Variants in CLDN14 observed in about 807,000 individuals in gnomAD.
CLDN14 encodes claudin 14.
A neutral mutation model predicts 2.1 loss-of-function variants in CLDN14; 2 were observed. That is an observed-to-expected ratio of 0.96 (90% CI 0.39 to 3.01). The LOEUF (loss-of-function observed/expected upper bound fraction) is 3.01, where lower values mean the gene tolerates loss of function less well. CLDN14 is among the 30% of genes most tolerant of loss of function. The probability of loss-of-function intolerance (pLI) is 0.09; values close to 1 mark genes in which losing one functional copy is unlikely to be tolerated. For synonymous variants in CLDN14, 136 were observed against 154.4 expected, an observed-to-expected ratio of 0.88 and a Z score of 0.88; for missense variants, 298 against 328.0, an observed-to-expected ratio of 0.91 and a Z score of 0.71.
intron 1 of CLDN14, among the ~76,000 whole-genome samples, chr21:36,539,539 AGT>A (rs1568874719): frequency 2.6e-5 from 3 of 113,278 alleles, no homozygotes; most frequent in African/African-American, 1.0e-4. Flanking sequence ...GTGTATGTGG[AGT>A]GTGTGTGGAG....
chr21:36,574,599 C>A (rs2087729068), intron 1 of CLDN14, among the ~76,000 whole-genome samples: 2 of 152,076 alleles, frequency 1.3e-5, no homozygotes, highest in African/African-American at 4.8e-5. Context: ...CTGGTGTGTT[C>A]AAAAATGTTT....
intron 1 of CLDN14, among the ~76,000 whole-genome samples, chr21:36,513,871 G>A (rs57468042): frequency 0.09 from 13,705 of 151,870 alleles, 1,514 homozygotes; most frequent in African/African-American, 0.27. Context: ...TAACTTTTTC[G>A]CTCAGGCTGG....
chr21:36,506,529 G>A (rs559796444), intron 2 of CLDN14, among the ~76,000 whole-genome samples: 193 of 151,904 alleles, frequency 1.3e-3, no homozygotes, highest in Non-Finnish European at 1.9e-3. Flanking sequence ...CCGGGGGGGC[G>A]GAGGTTGCAG....
At chr21:36,532,335 G>A (rs1053828400) in intron 1 of CLDN14, 3 of 151,278 alleles carry the variant, frequency 2.0e-5, no homozygotes, top group African/African-American at 7.3e-5. Flanking sequence ...CATGCGGTTG[G>A]AATGCTAGCC....
At chr21:36,483,280 C>T (rs547428327), upstream of CLDN14, among the ~76,000 whole-genome samples, 1 of 39,916 alleles carries the variant, frequency 2.5e-5, no homozygotes, top group South Asian at 5.4e-4. Context: ...CTCTCTGCGC[C>T]GCTGGGTTCA....
chr21:36,550,452 T>A (rs914333044), intron 1 of CLDN14, among the ~76,000 whole-genome samples: 6 of 152,192 alleles, frequency 3.9e-5, no homozygotes, highest in African/African-American at 1.4e-4. Flanking sequence ...GAGGGAGAAT[T>A]GGAGGGGCCC....
chr21:36,553,226 T>C (rs1156813243), intron 1 of CLDN14, among the ~76,000 whole-genome samples: 2 of 152,220 alleles, frequency 1.3e-5, no homozygotes, highest in Non-Finnish European at 2.9e-5. Context: ...AGGGCACTGA[T>C]GGCGTCTGCT....
At chr21:36,463,791 ATAAT>A (rs1357955753) in intron 1 of CLDN14, among the ~76,000 whole-genome samples, 4 of 152,242 alleles carry the variant, frequency 2.6e-5, no homozygotes, top group African/African-American at 4.8e-5. Context: ...TGGTAAGTAA[ATAAT>A]TAATAACTGA....
intron 1 of CLDN14, among the ~76,000 whole-genome samples, chr21:36,573,300 CA>C (rs373406611): frequency 1.2e-3 from 131 of 109,114 alleles, no homozygotes; most frequent in Middle Eastern, 4.4e-3. Context: ...GACTCTGTCT[CA>C]AAAAAAAAAA....
At chr21:36,553,027 C>A (rs2146518514) in intron 1 of CLDN14, among the ~76,000 whole-genome samples, 1 of 152,346 alleles carries the variant, frequency 6.6e-6, no homozygotes, top group African/African-American at 2.4e-5. Flanking sequence ...TAGGGCCCAG[C>A]TGACGCACAC....
intron 1 of CLDN14, among the ~76,000 whole-genome samples, chr21:36,467,039 A>G (rs1304842787): frequency 6.6e-6 from 1 of 152,186 alleles, no homozygotes; most frequent in Non-Finnish European, 1.5e-5. Flanking sequence ...GCGGTAAAGA[A>G]TTTTGAAAAT....
chr21:36,568,370 G>T (rs569203409), intron 1 of CLDN14, among the ~76,000 whole-genome samples: 1 of 152,202 alleles, frequency 6.6e-6, no homozygotes, highest in African/African-American at 2.4e-5. Flanking sequence ...CATTGCCCCA[G>T]CCAACCCCTG....
intron 1 of CLDN14, among the ~76,000 whole-genome samples, chr21:36,573,209 G>C (rs1438679113): frequency 1.3e-5 from 2 of 151,840 alleles, no homozygotes; most frequent in African/African-American, 4.8e-5. Context: ...GCTGAGGCAG[G>C]TGAATGGTGT....
rs560085776 is a variant in CLDN14, at chr21:36,512,129, G to A, written c.-219-1629C>T. ...TGTCTAAGTTTGCAGGTAGCTGAGC[G>A]CTCTAAATTGATGACTAGCTCAGGG... On this transcript the variant is annotated intron_variant, in intron 1 of 2. Transcript: ENST00000342108. Among the ~76,000 whole-genome samples the A allele has an allele frequency of 1.4e-4, 21 of 152,288 alleles. No individual in the cohort carries two copies. In the East Asian group the frequency reaches 1.5e-3, roughly 11 times the overall value.
chr21:36,489,116 A>AT (rs2086931080), intron 2 of CLDN14, among the ~76,000 whole-genome samples: 1 of 56,922 alleles, frequency 1.8e-5, no homozygotes, highest in Admixed American at 2.4e-4. Flanking sequence ...TCTGTCTCAA[A>AT]GAAAAAAAAA....
chr21:36,575,660 T>C (rs191721785), intron 1 of CLDN14, among the ~76,000 whole-genome samples: 11 of 152,312 alleles, frequency 7.2e-5, no homozygotes, highest in Admixed American at 7.2e-4. Flanking sequence ...ACATGGACAA[T>C]GTTTATCAGC....
upstream of CLDN14, among the ~76,000 whole-genome samples, chr21:36,482,347 TGGA>T (rs2086852666): frequency 6.7e-6 from 1 of 149,678 alleles, no homozygotes; most frequent in Non-Finnish European, 1.5e-5. Context: ...GATGGATGGA[TGGA>T]TGGATGGATG....
At chr21:36,525,255 G>T (rs971895556) in intron 1 of CLDN14, among the ~76,000 whole-genome samples, 1 of 152,144 alleles carries the variant, frequency 6.6e-6, no homozygotes, top group Non-Finnish European at 1.5e-5. Context: ...CAGAATGAGG[G>T]GGTGTCAGGC....
At chr21:36,491,876 A>T (rs1299697233) in intron 2 of CLDN14, among the ~76,000 whole-genome samples, 3 of 152,132 alleles carry the variant, frequency 2.0e-5, no homozygotes, top group Non-Finnish European at 4.4e-5. Flanking sequence ...TCACCACTGG[A>T]GTAAGAACAG....
Sources: gnomAD v4.1 joint callset for allele counts (sites outside exome capture counted in the v4.1 genomes callset) on GRCh38, gnomAD v4.1.1 for gene constraint, MANE v1.5 for transcripts, NCBI Gene and HGNC (gene_info 2026-07-23, HGNC 2026-07-21) for gene names.